Variants in CORO1C observed in about 807,000 individuals in gnomAD.
CORO1C encodes the protein coronin-1C.
A neutral mutation model predicts 51.2 loss-of-function variants in CORO1C; 14 were observed. The ratio of observed to expected loss-of-function variants is 0.27; its 90% CI spans 0.18 to 0.43. The LOEUF is 0.43. CORO1C is among the 20% of genes least tolerant of loss of function. The probability of loss-of-function intolerance (pLI) is 1.00; values close to 1 mark genes in which losing one functional copy is unlikely to be tolerated. For missense variants in CORO1C, 417 were observed against 607.8 expected, an observed-to-expected ratio of 0.69 and a Z score of 3.30; for synonymous variants, 181 against 210.5, an observed-to-expected ratio of 0.86 and a Z score of 1.21.
chr12:108,679,109 C>CAAA (rs1183326267), intron 2 of CORO1C, among the ~76,000 whole-genome samples: 14 of 22,122 alleles, frequency 6.3e-4, no homozygotes, highest in Admixed American at 1.2e-3. Context: ...GACTCTGTCT[C>CAAA]AAAAAAAAAA....
At chr12:108,688,404 C>G (rs2034375330) in intron 2 of CORO1C, among the ~76,000 whole-genome samples, 1 of 152,222 alleles carries the variant, frequency 6.6e-6, no homozygotes. Context: ...TTTAAAGCAG[C>G]TAGTGGTGTA....
chr12:108,677,587 A>G (rs1592888712), intron 3 of CORO1C, among the ~76,000 whole-genome samples: 1 of 152,362 alleles, frequency 6.6e-6, no homozygotes, highest in East Asian at 1.9e-4. Flanking sequence ...TGTCTTGTAC[A>G]GTCTGTGCCA....
chr12:108,672,948 T>A (rs1324001272), intron 3 of CORO1C, among the ~76,000 whole-genome samples: 1 of 152,210 alleles, frequency 6.6e-6, no homozygotes, highest in Non-Finnish European at 1.5e-5. Flanking sequence ...TGTATTCCTG[T>A]CTCTTCCTCT....
At chr12:108,679,865 T>C (rs1466182546) in intron 2 of CORO1C, among the ~76,000 whole-genome samples, 5 of 152,222 alleles carry the variant, frequency 3.3e-5, no homozygotes, top group Admixed American at 6.5e-5. Context: ...TAGTTAACAA[T>C]GATACTTATT....
chr12:108,671,466 A>G (rs980277021), intron 3 of CORO1C, among the ~76,000 whole-genome samples: 1 of 132,450 alleles, frequency 7.6e-6, no homozygotes, highest in Admixed American at 7.8e-5. Flanking sequence ...AAGGAACAGG[A>G]AAAAAAAAAT....
At chr12:108,666,153 T>C (rs1336257363) in intron 3 of CORO1C, among the ~76,000 whole-genome samples, 1 of 152,162 alleles carries the variant, frequency 6.6e-6, no homozygotes, top group African/African-American at 2.4e-5. Context: ...TGAGGAGAAA[T>C]TGAATATCCA....
At chr12:108,721,097 C>CA (rs2035464002) in intron 1 of CORO1C, among the ~76,000 whole-genome samples, 1 of 152,186 alleles carries the variant, frequency 6.6e-6, no homozygotes, top group Non-Finnish European at 1.5e-5. Flanking sequence ...ATTCTGTACT[C>CA]AATCTCTAGT....
intron 6 of CORO1C, among the ~76,000 whole-genome samples, chr12:108,654,835 G>A (rs2032863332): frequency 6.6e-6 from 1 of 151,868 alleles, no homozygotes; most frequent in African/African-American, 2.4e-5. Context: ...GGCAAGAGCT[G>A]GGATTATAGA....
At chr12:108,649,365 G>A (rs900103582) in intron 8 of CORO1C, 1 of 345,988 alleles carries the variant, frequency 2.9e-6, no homozygotes, top group African/African-American at 2.1e-5. Context: ...AAATTACCAT[G>A]TCAACCTACA....
chr12:108,706,008 G>A (rs11114033), intron 1 of CORO1C, among the ~76,000 whole-genome samples: 44,243 of 151,580 alleles, frequency 0.29, 7,515 homozygotes, highest in South Asian at 0.44. Flanking sequence ...ACAACATGGT[G>A]AAACCCCATC....
At chr12:108,652,221 T>A in intron 8 of CORO1C, 51 bp downstream of exon 8, 1 of 1,561,300 alleles carries the variant, frequency 6.4e-7, no homozygotes, top group Admixed American at 1.7e-5. Context: ...GTACAAATAA[T>A]TGTCACACAG....
At chr12:108,663,763 T>G (rs1028313446) in intron 3 of CORO1C, among the ~76,000 whole-genome samples, 2 of 152,196 alleles carry the variant, frequency 1.3e-5, no homozygotes, top group African/African-American at 4.8e-5. Context: ...TAATTGTCTG[T>G]GGTGATGGTT....
In CORO1C at chr12:108,648,610, T is replaced by C. The variant is rs749607320; in HGVS notation, c.1300A>G (p.Ser434Gly). Residue 434 changes from serine (S) to glycine (G), a missense_variant, in exon 10 of 11, where the codon AGT becomes GGT. Ser to Gly is a moderately conservative substitution (Grantham distance 56). Transcript: ENST00000261401. Reference sequence around the variant, plus strand: ...TGCACTCCACTGGTCCTCACCACACTGGCCGTGTCTGTGGTTTTCTTGGGG... The same window carrying C: ...TGCACTCCACTGGTCCTCACCACACCGGCCGTGTCTGTGGTTTTCTTGGGG... ...SIPKKTTDTA[S>G]VQNEAKLDEI... 1.2e-6 allele frequency: 2 copies of C among 1,614,194 alleles called. No individual in the cohort carries two copies. The highest frequency in any genetic ancestry group is 2.2e-5 in the South Asian group (2 of 91,086).
At chr12:108,691,144 C>T (rs542883967) in intron 2 of CORO1C, among the ~76,000 whole-genome samples, 5 of 152,228 alleles carry the variant, frequency 3.3e-5, no homozygotes, top group African/African-American at 1.2e-4. Context: ...GAGTCAGTTC[C>T]ACACAAGCAA....
At chr12:108,688,763 C>T (rs192514826) in intron 2 of CORO1C, among the ~76,000 whole-genome samples, 10 of 152,208 alleles carry the variant, frequency 6.6e-5, no homozygotes, top group East Asian at 3.9e-4. Flanking sequence ...AGGCCGGGCA[C>T]GGTGGCTCAC....
chr12:108,682,029 G>C (rs1258819902), intron 2 of CORO1C, among the ~76,000 whole-genome samples: 1 of 149,046 alleles, frequency 6.7e-6, no homozygotes, highest in African/African-American at 2.5e-5. Context: ...AGGAAAGAGA[G>C]AGAATGTATA....
At position 108,717,225 on chromosome 12, in the gene CORO1C, CA is replaced by C. The variant is rs2035359486; in HGVS notation, c.-6+14203del. On this transcript the variant is annotated intron_variant, in intron 1 of 10. Transcript: ENST00000261401. ...ACAACAAAATATCAAAAGTCTGTAT[CA>C]AAAGCAAGCACTTGTCAGAATCTGG... 2.0e-5 allele frequency among the ~76,000 whole-genome samples: 3 copies of C among 152,292 alleles called. No homozygotes were observed. In the South Asian group the frequency reaches 6.2e-4, roughly 32 times the overall value.
chr12:108,704,623 G>A (rs78037690), intron 1 of CORO1C, among the ~76,000 whole-genome samples: 2 of 152,262 alleles, frequency 1.3e-5, no homozygotes, highest in African/African-American at 4.8e-5. Context: ...TGCTTCCGCA[G>A]TGCTGTGCTG....
At chr12:108,661,056 T>C (rs2033240298) in intron 4 of CORO1C, among the ~76,000 whole-genome samples, 1 of 152,212 alleles carries the variant, frequency 6.6e-6, no homozygotes. Context: ...TTTATTAAGG[T>C]ATAACTTACA....
Sources: allele counts gnomAD v4.1 joint callset (sites outside exome capture counted in the v4.1 genomes callset), GRCh38; gene constraint gnomAD v4.1.1; transcripts MANE v1.5; gene names NCBI Gene and HGNC (gene_info 2026-07-23, HGNC 2026-07-21).